The following TRHDE variants were observed in gnomAD, a reference collection of about 807,000 sequenced individuals.
TRHDE encodes thyrotropin-releasing hormone-degrading ectoenzyme.
TRHDE carries 72 observed loss-of-function variants against 125.7 expected under a neutral mutation model. The observed-to-expected ratio is 0.57, with a 90% CI of 0.47 to 0.70. The LOEUF (loss-of-function observed/expected upper bound fraction) is 0.70. Among genes scored for constraint, TRHDE ranks in the 30% least tolerant of loss-of-function variants. The probability of loss-of-function intolerance (pLI) is 0.00; values close to 1 mark genes in which losing one functional copy is unlikely to be tolerated. For missense variants in TRHDE, 1,110 were observed against 1,327.1 expected (o/e 0.84, Z 2.54); for synonymous variants, 509 against 509.1 (o/e 1.00, Z 0.00).
intron 3 of TRHDE, among the ~76,000 whole-genome samples, chr12:72,468,200 A>T (rs1287733790): frequency 1.3e-5 from 2 of 152,194 alleles, no homozygotes; most frequent in African/African-American, 4.8e-5. Flanking sequence ...TCTACAACAC[A>T]TGGTGTTATT....
chr12:72,479,230 C>A (rs1441952382), intron 5 of TRHDE, among the ~76,000 whole-genome samples: 1 of 152,064 alleles, frequency 6.6e-6, no homozygotes, highest in Non-Finnish European at 1.5e-5. Flanking sequence ...TATAATACTA[C>A]AACTGAAGAA....
At chr12:72,320,404 T>C (rs1349308805) in intron 2 of TRHDE, among the ~76,000 whole-genome samples, 1 of 152,194 alleles carries the variant, frequency 6.6e-6, no homozygotes, top group Non-Finnish European at 1.5e-5. Context: ...TGTTACAGTG[T>C]ATTGTTTAGG....
At chr12:72,159,064 CAATATGATTTT>C (rs1876579301) in intron 2 of TRHDE, among the ~76,000 whole-genome samples, 1 of 152,162 alleles carries the variant, frequency 6.6e-6, no homozygotes. Context: ...TGTCAGTCTA[CAATATGATTTT>C]AATTACAGTA....
At chr12:72,417,623 A>G (rs1027885841) in intron 3 of TRHDE, among the ~76,000 whole-genome samples, 1 of 151,938 alleles carries the variant, frequency 6.6e-6, no homozygotes, top group Non-Finnish European at 1.5e-5. Flanking sequence ...TATGTTATTC[A>G]CATTAGTGCT....
At chr12:72,478,493 C>G (rs1216234412) in intron 5 of TRHDE, among the ~76,000 whole-genome samples, 2 of 149,102 alleles carry the variant, frequency 1.3e-5, no homozygotes, top group African/African-American at 5.1e-5. Flanking sequence ...AACTTTTTTC[C>G]TTACTGAAAA....
intron 2 of TRHDE, among the ~76,000 whole-genome samples, chr12:72,172,489 G>A (rs1174668025): frequency 2.6e-5 from 4 of 152,182 alleles, no homozygotes; most frequent in Non-Finnish European, 5.9e-5. Flanking sequence ...AGTGCCTACA[G>A]TACAGCACTA....
At position 72,233,750 on chromosome 12, in the gene TRHDE, G is replaced by A. The variant is rs147037696; in HGVS notation, n.279+127998G>A. The stretch of plus-strand genomic sequence containing the variant: ...ACACGAACATGTGCAATAAATAATA[G>A]AGCAGCCTCTAGATAAATAAAAACT... On this transcript the variant is annotated intron_variant and non_coding_transcript_variant, in intron 2 of 4. Coordinates refer to the TRHDE transcript ENST00000548156. Among the ~76,000 whole-genome samples the A allele has an allele frequency of 9.9e-3, 1,505 of 152,194 alleles. 8 individuals carry two copies. The highest frequency in any genetic ancestry group is 0.015 in the Non-Finnish European group (989 of 67,998).
chr12:72,096,132 T>TACACAC (rs1208734021), intron 1 of TRHDE, among the ~76,000 whole-genome samples: 1 of 26,608 alleles, frequency 3.8e-5, no homozygotes, highest in Admixed American at 5.9e-4. Flanking sequence ...TTCTTATGTG[T>TACACAC]ATACACACAC....
At chr12:72,616,317 C>T (rs1592574279) in intron 12 of TRHDE, among the ~76,000 whole-genome samples, 1 of 151,886 alleles carries the variant, frequency 6.6e-6, no homozygotes, top group African/African-American at 2.4e-5. Context: ...AAGTATTTTT[C>T]AAATTTTTAA....
intron 15 of TRHDE, among the ~76,000 whole-genome samples, chr12:72,651,077 A>C (rs560077165): frequency 2.6e-5 from 4 of 152,160 alleles, no homozygotes; most frequent in African/African-American, 9.7e-5. Flanking sequence ...CCTTTGTTTC[A>C]TTAAAAACAA....
chr12:72,399,320 A>G lies in TRHDE; in HGVS notation c.1315+21199A>G, dbSNP rs576950143. On this transcript the variant is annotated intron_variant, in intron 3 of 18. Transcript: ENST00000261180. ...CTTAATAGAAACTTACAAACATTAG[A>G]TCATGAAATTGAGTTTGCAAGAGAG... is the stretch of plus-strand genomic sequence containing the variant. 4.7e-4 allele frequency among the ~76,000 whole-genome samples: 71 copies of G among 152,340 alleles called. 1 individual carries two copies. Among genetic ancestry groups the G allele is most frequent in the Admixed American group, 2.0e-3 (31 of 15,300 alleles).
intron 2 of TRHDE, among the ~76,000 whole-genome samples, chr12:72,206,525 A>C (rs968228241): frequency 1.3e-5 from 2 of 152,176 alleles, no homozygotes; most frequent in Non-Finnish European, 2.9e-5. Context: ...TGTTCAATGC[A>C]TATTTATATA....
chr12:72,271,617 T>A (rs1372665932), upstream of TRHDE, among the ~76,000 whole-genome samples: 1 of 152,124 alleles, frequency 6.6e-6, no homozygotes, highest in Non-Finnish European at 1.5e-5. Flanking sequence ...CTCCCGCCTT[T>A]CCTGCCTCCT....
At chr12:72,283,626 A>G (rs1008550413) in intron 1 of TRHDE, among the ~76,000 whole-genome samples, 2 of 152,090 alleles carry the variant, frequency 1.3e-5, no homozygotes, top group African/African-American at 4.8e-5. Flanking sequence ...ACCTTCCCTA[A>G]CATACTTACT....
At chr12:72,450,289 A>C (rs1592453960) in intron 3 of TRHDE, among the ~76,000 whole-genome samples, 2 of 152,158 alleles carry the variant, frequency 1.3e-5, no homozygotes, top group East Asian at 3.9e-4. Context: ...AGTGATTTTC[A>C]ACCTTCATTT....
chr12:72,305,643 A>G (rs1868329208), intron 2 of TRHDE, among the ~76,000 whole-genome samples: 1 of 152,214 alleles, frequency 6.6e-6, no homozygotes, highest in African/African-American at 2.4e-5. Flanking sequence ...GTCTGGTTTA[A>G]TATGCAGGAG....
At chr12:72,105,978 T>G (rs1875178195) in intron 2 of TRHDE, among the ~76,000 whole-genome samples, 1 of 152,146 alleles carries the variant, frequency 6.6e-6, no homozygotes, top group Non-Finnish European at 1.5e-5. Flanking sequence ...AGACTAGAGT[T>G]AAGAGCTCTT....
At chr12:72,264,911 T>C (rs1879030801) in intron 2 of TRHDE, among the ~76,000 whole-genome samples, 1 of 151,694 alleles carries the variant, frequency 6.6e-6, no homozygotes, top group Non-Finnish European at 1.5e-5. Flanking sequence ...CATTGTTTTT[T>C]TTTTTAATAG....
chr12:72,431,073 T>C (rs1874456156), intron 3 of TRHDE, among the ~76,000 whole-genome samples: 2 of 152,160 alleles, frequency 1.3e-5, no homozygotes, highest in African/African-American at 4.8e-5. Context: ...TTCTGACGTA[T>C]AGAAATACAG....
Sources: allele counts gnomAD v4.1 joint callset (sites outside exome capture counted in the v4.1 genomes callset), GRCh38; gene constraint gnomAD v4.1.1; transcripts MANE v1.5; gene names NCBI Gene and HGNC (gene_info 2026-07-23, HGNC 2026-07-21).